CREBBP: variants seen among roughly 807,000 people sequenced by gnomAD.
CREBBP encodes CREB binding lysine acetyltransferase, also known as CREB-binding protein.
In CREBBP, 19 loss-of-function variants were observed where a neutral mutation model predicts 265.0. That is an observed-to-expected ratio of 0.07 (90% CI 0.05 to 0.11). The LOEUF (loss-of-function observed/expected upper bound fraction) is 0.11. CREBBP is among the 10% of genes least tolerant of loss of function. CREBBP has a pLI of 1.00. For missense variants in CREBBP, 2,525 were observed against 3,219.0 expected (o/e 0.78, Z 5.22); for synonymous variants, 1,457 against 1,223.7 (o/e 1.19, Z -3.98).
Position 3,773,729 on chromosome 16 carries a change from C to T in CREBBP, c.2463+22G>A, listed in dbSNP as rs781544055. 1.8e-5 allele frequency: 29 copies of T among 1,611,958 alleles called. No individual in the cohort carries two copies. In the Middle Eastern group the frequency reaches 5.0e-4, roughly 28 times the overall value. ...AAGAATTTTATTTCCTAGGGAGCCA[C>T]GGTCCCAGTGGGGCACAGTACCTGT... On this transcript the variant is annotated intron_variant, in intron 13 of 30. Transcript: ENST00000262367.
chr16:3,758,712 T>A, intron 17 of CREBBP, 142 bp downstream of exon 17: 1 of 744,042 alleles, frequency 1.3e-6, no homozygotes. Flanking sequence ...CACTGATAAC[T>A]GTTAACAGAC....
At chr16:3,827,884 G>A (rs907619128) in intron 2 of CREBBP, among the ~76,000 whole-genome samples, 13 of 152,148 alleles carry the variant, frequency 8.5e-5, no homozygotes, top group African/African-American at 3.1e-4. Flanking sequence ...TAGAGATGGA[G>A]TCTCACTGTG....
chr16:3,726,914 A>G lies in CREBBP; in HGVS notation c.*804T>C. 4.3e-6 allele frequency: 1 copy of G among 233,612 alleles called. No homozygotes were observed. 14.5% of individuals were successfully genotyped at this position (233,612 alleles called of 1,614,324 possible). ...GTGATTGAATCTTCTCGAGTTTCGTATTTATAGGAATTAGAGCGCTTGCAT... is the reference window on the plus strand; with the variant it reads ...GTGATTGAATCTTCTCGAGTTTCGTGTTTATAGGAATTAGAGCGCTTGCAT... On this transcript the variant is annotated 3_prime_UTR_variant, in exon 31 of 31. Transcript: ENST00000262367.
In CREBBP at chr16:3,757,953, G is replaced by C. The variant is rs1447337021; in HGVS notation, c.3465C>G (p.Asp1155Glu). The change falls in exon 18 of 31, where the codon GAC (aspartate) becomes GAG (glutamate). Residue 1155 changes from aspartate (D) to glutamate (E), a missense_variant. This residue lies in a region of CREBBP where 252 missense variants were observed against 452.5 expected (regional missense o/e 0.56). Coordinates refer to ENST00000262367, the MANE Select transcript of CREBBP (RefSeq NM_004380.3). ...GQYQEPWQYV[D>E]DVWLMFNNAW... Reference sequence around the variant, plus strand: ...CATTGTTGAACATGAGCCAGACGTCGTCCACGTACTGCCAGGGCTCTTGGT... The same window carrying C: ...CATTGTTGAACATGAGCCAGACGTCCTCCACGTACTGCCAGGGCTCTTGGT... The C allele has an allele frequency of 6.2e-7, 1 of 1,613,810 alleles. No individual in the cohort carries two copies. The highest frequency in any genetic ancestry group is 8.5e-7 in the Non-Finnish European group (1 of 1,180,010).
At chr16:3,741,565 G>A (rs908155227) in intron 23 of CREBBP, 24 of 151,540 alleles carry the variant, frequency 1.6e-4, no homozygotes, top group African/African-American at 5.3e-4. Flanking sequence ...AGCACTTTGG[G>A]AGGCCGAGGC....
rs764331023 is a variant in CREBBP at position 3,879,261 on chromosome 16, C to CAA, written c.85+569_85+570dup. Among the ~76,000 whole-genome samples the CAA allele has an allele frequency of 7.1e-3, 933 of 131,342 alleles. 11 individuals carry two copies. The highest frequency in any genetic ancestry group is 0.02 in the Middle Eastern group (5 of 244). The allele number at this position is 131,342 out of a possible 152,430, so 86.2% of individuals were successfully genotyped here. A position where few individuals can be genotyped will look rare whatever the true frequency, so the allele number is the denominator to read the frequency against. On this transcript the variant is annotated intron_variant, in intron 1 of 30. Transcript: ENST00000262367. The stretch of plus-strand genomic sequence containing the variant: ...ACACACACACACACACACACACACA[C>CAA]AAAACAAGGAGTTTTGAAAATAAGC...
chr16:3,757,297 T>C lies in CREBBP; in HGVS notation c.3689A>G (p.Tyr1230Cys). 6.2e-7 allele frequency: 1 copy of C among 1,612,236 alleles called. No homozygotes were observed. The highest frequency in any genetic ancestry group is 8.5e-7 in the Non-Finnish European group (1 of 1,179,040). Reference sequence around the variant, plus strand: ...GCTGCTTGACGCTTACCTATTCTGATAGCTGTAGTAGGCAGCATCGCGAGG... The same window carrying C: ...GCTGCTTGACGCTTACCTATTCTGACAGCTGTAGTAGGCAGCATCGCGAGG... ...TIPRDAAYYS[Y>C]QNRYHFCEKC... Residue 1230 changes from tyrosine (Y) to cysteine (C), a missense_variant, in exon 19 of 31, where the codon TAT becomes TGT. Tyr to Cys is a radical substitution (Grantham distance 194). Coordinates refer to ENST00000262367, the MANE Select transcript of CREBBP (RefSeq NM_004380.3).
intron 2 of CREBBP, among the ~76,000 whole-genome samples, chr16:3,847,040 C>CTG (rs1374984449): frequency 6.6e-6 from 1 of 152,178 alleles, no homozygotes. Context: ...ACAGGCATTG[C>CTG]TGCACTAGCA....
At chr16:3,777,291 A>C (rs1035046186) in intron 11 of CREBBP, among the ~76,000 whole-genome samples, 8 of 150,498 alleles carry the variant, frequency 5.3e-5, no homozygotes, top group Admixed American at 2.6e-4. Context: ...GCCAAGATGG[A>C]GCCACTGCAC....
chr16:3,776,195 G>A (rs1049528107), intron 11 of CREBBP, among the ~76,000 whole-genome samples: 1 of 152,090 alleles, frequency 6.6e-6, no homozygotes, highest in Non-Finnish European at 1.5e-5. Context: ...TGGGATTACA[G>A]GTGTGAGCCA....
intron 21 of CREBBP, among the ~76,000 whole-genome samples, chr16:3,748,918 G>C (rs567674246): frequency 6.6e-6 from 1 of 152,342 alleles, no homozygotes; most frequent in South Asian, 2.1e-4. Context: ...GGCCGAGACA[G>C]GCACATCACC....
intron 3 of CREBBP, among the ~76,000 whole-genome samples, chr16:3,794,374 A>G (rs1485559392): frequency 1.4e-5 from 2 of 142,686 alleles, no homozygotes; most frequent in East Asian, 4.2e-4. Context: ...AAGATTTGCC[A>G]AGGCCTGACC....
rs182259164 is a variant in CREBBP, at chr16:3,837,372, T to C, written c.798+12925A>G. Among the ~76,000 whole-genome samples, 165 of 152,278 alleles carry C rather than the reference T, an allele frequency of 1.1e-3. No homozygotes were observed. The Middle Eastern group carries it at 0.031, about 28-fold the overall frequency. ...GGCTCACACCTGTAATCCCAGCACT[T>C]CGGGAGGCCGAGGCGGGCAGACTGC... On this transcript the variant is annotated intron_variant, in intron 2 of 30. Coordinates refer to ENST00000262367, the MANE Select transcript of CREBBP (RefSeq NM_004380.3).
chr16:3,782,787 G>T lies in CREBBP; in HGVS notation c.1470C>A (p.Leu490=). The change falls in exon 6 of 31, where the codon CTC becomes CTA. Residue 490 remains leucine (L), a synonymous_variant. Transcript: ENST00000262367. ...GCGTCTGGGGCTGGTTCATGTAGGG[G>T]AGTCCGAGAGCAGCATAGGCTCGCT... The part of the protein sequence containing the change: ...SMQRAYAALG[L]PYMNQPQTQL... 6.2e-7 allele frequency: 1 copy of T among 1,614,164 alleles called. No individual in the cohort carries two copies. The highest frequency in any genetic ancestry group is 8.5e-7 in the Non-Finnish European group (1 of 1,180,040).
intron 1 of CREBBP, among the ~76,000 whole-genome samples, chr16:3,868,751 G>A (rs544594446): frequency 3.6e-4 from 55 of 152,196 alleles, no homozygotes; most frequent in African/African-American, 1.2e-3. Flanking sequence ...TATAGGCCAC[G>A]GTGGGCACCA....
chr16:3,844,799 A>G, intron 2 of CREBBP, among the ~76,000 whole-genome samples: 1 of 152,328 alleles, frequency 6.6e-6, no homozygotes, highest in African/African-American at 2.4e-5. Flanking sequence ...TTCCTATATT[A>G]AAATAGCCAG....
chr16:3,876,428 A>C (rs1319937725), intron 1 of CREBBP, among the ~76,000 whole-genome samples: 4 of 144,596 alleles, frequency 2.8e-5, no homozygotes, highest in Admixed American at 6.9e-5. Context: ...AAAAAAAAAC[A>C]ACCCAGAAAA....
intron 1 of CREBBP, among the ~76,000 whole-genome samples, chr16:3,864,988 G>A (rs183400990): frequency 6.6e-6 from 1 of 152,356 alleles, no homozygotes; most frequent in East Asian, 1.9e-4. Context: ...GAATCTGAGA[G>A]GTGGAGGCTG....
intron 1 of CREBBP, among the ~76,000 whole-genome samples, chr16:3,866,600 TTAAC>T (rs1236309964): frequency 1.3e-5 from 2 of 152,186 alleles, no homozygotes; most frequent in African/African-American, 4.8e-5. Flanking sequence ...TTGAATTTTT[TTAAC>T]TAGTTTTTCT....
Sources: gnomAD v4.1 joint callset for allele counts (sites outside exome capture counted in the v4.1 genomes callset) on GRCh38, gnomAD v4.1.1 for gene constraint, gnomAD v4.1.1 regional missense constraint, MANE v1.5 for transcripts, NCBI Gene and HGNC (gene_info 2026-07-23, HGNC 2026-07-21) for gene names.